SETD5: variants seen among roughly 807,000 people sequenced by gnomAD.
SETD5 encodes histone-lysine N-methyltransferase SETD5.
In SETD5, 44 loss-of-function variants were observed where a neutral mutation model predicts 153.3. The observed-to-expected ratio is 0.29, with a 90% confidence interval of 0.23 to 0.37. The LOEUF (loss-of-function observed/expected upper bound fraction) is 0.37, where lower values mean the gene tolerates loss of function less well. Ranked by LOEUF, SETD5 falls within the 10% of genes least tolerant of loss-of-function variation. SETD5 has a pLI of 1.00. For missense variants in SETD5, 1,544 were observed against 1,768.0 expected (o/e 0.87, Z 2.27); for synonymous variants, 716 against 645.2 (o/e 1.11, Z -1.66).
chr3:9,461,976 G>A (rs2044002762), intron 17 of SETD5, among the ~76,000 whole-genome samples: 1 of 152,130 alleles, frequency 6.6e-6, no homozygotes, highest in Non-Finnish European at 1.5e-5. Flanking sequence ...TGGAACAAAA[G>A]GAAGATGTGA....
chr3:9,436,880 C>A (rs767842475), intron 7 of SETD5: 1 of 1,550,038 alleles, frequency 6.5e-7, no homozygotes, highest in Non-Finnish European at 8.7e-7. Context: ...GAAGTCCTTG[C>A]GGATGAAGGT....
At chr3:9,430,876 T>C in intron 3 of SETD5, 1 of 985,444 alleles carries the variant, frequency 1.0e-6, no homozygotes, top group African/African-American at 1.7e-5. Flanking sequence ...TATCCTAGGA[T>C]TTCCTGAAAC....
chr3:9,435,528 A>G (rs956745728), intron 6 of SETD5, among the ~76,000 whole-genome samples, 200 bp from the exon 7 acceptor site: 1 of 152,254 alleles, frequency 6.6e-6, no homozygotes, highest in Admixed American at 6.5e-5. Flanking sequence ...CATGAGGAAC[A>G]GGGTTTATAT....
At chr3:9,403,001 C>T (rs571918538) in intron 1 of SETD5, among the ~76,000 whole-genome samples, 2 of 152,148 alleles carry the variant, frequency 1.3e-5, no homozygotes, top group African/African-American at 4.8e-5. Context: ...TATGGCCAAA[C>T]AGCTAGATAA....
At position 9,434,188 on chromosome 3, in the gene SETD5, C is replaced by CT. The variant is rs2040301611; in HGVS notation, c.178-143dup. 1.3e-6 allele frequency: 2 copies of CT among 1,548,306 alleles called. No individual in the cohort carries two copies. Among genetic ancestry groups the CT allele is most frequent in the East Asian group, 4.9e-5 (2 of 41,080 alleles). ...TGAAGCCAAAAAACAAAGGGTACTA[C>CT]TTTCTTCTTTCTTTCCATATGTACC... On this transcript the variant is annotated intron_variant, in intron 4 of 22. Transcript: ENST00000402198. The surrounding 1 kb of genome is among the most constrained non-coding windows in gnomAD (Gnocchi z 5.6).
At chr3:9,424,102 A>G (rs2038811917) in intron 1 of SETD5, among the ~76,000 whole-genome samples, 1 of 152,178 alleles carries the variant, frequency 6.6e-6, no homozygotes, top group Non-Finnish European at 1.5e-5. Context: ...AGAACTCTGA[A>G]TTTGAGAAGT....
chr3:9,429,912 TA>T, intron 3 of SETD5: 4 of 1,303,736 alleles, frequency 3.1e-6, no homozygotes, highest in African/African-American at 1.5e-5. Flanking sequence ...CCAAGGGGCC[TA>T]GGGGGCAGCA....
intron 1 of SETD5, among the ~76,000 whole-genome samples, chr3:9,404,689 T>A (rs554139979): frequency 1.3e-5 from 2 of 152,340 alleles, no homozygotes; most frequent in South Asian, 4.1e-4. Flanking sequence ...ACCCTCCCCC[T>A]TCCCAGATAA....
At chr3:9,442,600 G>T (rs1026344775) in intron 10 of SETD5, among the ~76,000 whole-genome samples, 4 of 152,182 alleles carry the variant, frequency 2.6e-5, no homozygotes, top group African/African-American at 9.7e-5. Flanking sequence ...TTAGATTTTA[G>T]TGAGTAATGT....
At chr3:9,464,289 G>A in intron 17 of SETD5, 136 bp from the exon 18 acceptor site, 1 of 1,198,250 alleles carries the variant, frequency 8.3e-7, no homozygotes, top group Non-Finnish European at 1.2e-6. Context: ...ATTTTGGTTG[G>A]ATTGGAGGAG....
chr3:9,400,690 C>A (rs1224136777), intron 1 of SETD5, among the ~76,000 whole-genome samples: 3 of 152,218 alleles, frequency 2.0e-5, no homozygotes, highest in South Asian at 2.1e-4. Flanking sequence ...TTGGATATAG[C>A]CTTCTGACAT....
At chr3:9,436,526 G>A (rs564667378) in intron 7 of SETD5, among the ~76,000 whole-genome samples, 4 of 152,198 alleles carry the variant, frequency 2.6e-5, no homozygotes, top group African/African-American at 7.2e-5. Context: ...TTCAAAACTG[G>A]TAAATCTGCA....
Position 9,464,656 on chromosome 3 carries a change from C to G in SETD5, c.2708C>G (p.Thr903Ser), listed in dbSNP as rs2125501947. 6.2e-7 allele frequency: 1 copy of G among 1,614,020 alleles called. No individual in the cohort carries two copies. The highest frequency in any genetic ancestry group is 1.1e-5 in the South Asian group (1 of 91,078). The change falls in exon 18 of 23, where the codon ACT becomes AGT. Residue 903 changes from threonine to serine, a missense_variant. Physicochemically the swap from Thr to Ser is moderately conservative, Grantham distance 58 (BLOSUM62 1). Coordinates refer to ENST00000402198, the MANE Select transcript of SETD5 (RefSeq NM_001080517.3). ...CTTACTACTGCTAGTCGCTGCAACA[C>G]TCCTCTACAGTTTGAGGTGATTTGG... is the stretch of plus-strand genomic sequence containing the variant. Reference protein sequence around the residue: ...TSLTTASRCNTPLQFELCHRK... With the variant: ...TSLTTASRCNSPLQFELCHRK...
At chr3:9,462,943 T>C (rs1348792103) in intron 17 of SETD5, among the ~76,000 whole-genome samples, 1 of 152,166 alleles carries the variant, frequency 6.6e-6, no homozygotes, top group Non-Finnish European at 1.5e-5. Flanking sequence ...GCTTTTTTTT[T>C]TTTTTAACTA....
In SETD5 at chr3:9,397,684, C is replaced by CGCCGCCGCCGCCGCCGCCGCT. The variant is rs1553601521; in HGVS notation, c.-468_-467insCGCCGCCGCCGCCGCCGCTGC. The stretch of plus-strand genomic sequence containing the variant: ...CCGCCGCCGCCGCCGCCGCCGCCGC[C>CGCCGCCGCCGCCGCCGCCGCT]GCTGCCGGGGGAGGGGCGGCCGCCG... On this transcript the variant is annotated 5_prime_UTR_variant, in exon 1 of 23. Transcript: ENST00000402198. 5.9e-6 allele frequency: 1 copy of CGCCGCCGCCGCCGCCGCCGCT among 170,482 alleles called. No homozygotes were observed. Among genetic ancestry groups the CGCCGCCGCCGCCGCCGCCGCT allele is most frequent in the African/African-American group, 2.5e-5 (1 of 40,190 alleles). 10.6% of individuals were successfully genotyped at this position (170,482 alleles called of 1,614,324 possible).
At chr3:9,405,482 A>G (rs1302600851) in intron 1 of SETD5, among the ~76,000 whole-genome samples, 1 of 152,124 alleles carries the variant, frequency 6.6e-6, no homozygotes, top group African/African-American at 2.4e-5. Context: ...TATGTTCTTC[A>G]AGCCATTTTT....
At chr3:9,470,401 C>T (rs2045168930) in intron 18 of SETD5, 58 bp from the exon 19 acceptor site, 3 of 1,339,964 alleles carry the variant, frequency 2.2e-6, no homozygotes, top group Non-Finnish European at 3.2e-6. Flanking sequence ...TCCTTTCTGC[C>T]CTTTGACTTT....
At chr3:9,445,562 A>C in intron 12 of SETD5, 95 bp from the exon 13 acceptor site, 1 of 1,120,090 alleles carries the variant, frequency 8.9e-7, no homozygotes, top group Non-Finnish European at 1.3e-6. Context: ...TTAAAGCACT[A>C]GAGATTGTTA....
At chr3:9,460,086 G>C (rs2043770942) in intron 17 of SETD5, among the ~76,000 whole-genome samples, 1 of 151,128 alleles carries the variant, frequency 6.6e-6, no homozygotes, top group Non-Finnish European at 1.5e-5. Flanking sequence ...AGAGATATAA[G>C]TACTGGTAAA....
Sources: allele counts gnomAD v4.1 joint callset (sites outside exome capture counted in the v4.1 genomes callset), GRCh38; gene constraint gnomAD v4.1.1; non-coding constraint Gnocchi (gnomAD v3.1); transcripts MANE v1.5; gene names NCBI Gene and HGNC (gene_info 2026-07-23, HGNC 2026-07-21).